Variants in TMEM14B observed in about 807,000 individuals in gnomAD.
TMEM14B encodes transmembrane protein 14B.
In TMEM14B, 9 loss-of-function variants were observed where a neutral mutation model predicts 14.8. The ratio of observed to expected loss-of-function variants is 0.61; its 90% CI spans 0.37 to 1.06. TMEM14B has a LOEUF of 1.06. Ranked by LOEUF, TMEM14B falls within the 50% of genes least tolerant of loss-of-function variation. The probability of loss-of-function intolerance (pLI) is 0.01; values close to 1 mark genes in which losing one functional copy is unlikely to be tolerated. For missense variants in TMEM14B, 128 were observed against 143.6 expected (o/e 0.89, Z 0.56); for synonymous variants, 40 against 51.3 (o/e 0.78, Z 0.94).
At chr6:10,749,744 C>A in intron 3 of TMEM14B, 46 bp downstream of exon 3, 1 of 1,605,002 alleles carries the variant, frequency 6.2e-7, no homozygotes, top group South Asian at 1.1e-5. Context: ...TCACGTTGTT[C>A]CAGTGAAATG....
intron 4 of TMEM14B, among the ~76,000 whole-genome samples, chr6:10,753,725 C>T (rs1771684155): frequency 6.6e-6 from 1 of 152,074 alleles, no homozygotes. Flanking sequence ...GTTCTCCATC[C>T]ATTCGGTTCT....
chr6:10,748,706 C>T (rs1424416255), intron 1 of TMEM14B, among the ~76,000 whole-genome samples: 1 of 152,046 alleles, frequency 6.6e-6, no homozygotes, highest in Non-Finnish European at 1.5e-5. Flanking sequence ...GTATTTTACC[C>T]TCCCCTTCTG....
chr6:10,757,126 A>G, downstream of TMEM14B: 1 of 496,776 alleles, frequency 2.0e-6, no homozygotes. Context: ...ATTTGATTGT[A>G]CATTGCATTG....
intron 4 of TMEM14B, among the ~76,000 whole-genome samples, chr6:10,753,892 C>G (rs929972938): frequency 6.6e-6 from 1 of 152,178 alleles, no homozygotes; most frequent in African/African-American, 2.4e-5. Flanking sequence ...CCTGCATTCC[C>G]AAGGACGTTC....
At chr6:10,749,091 A>G (rs1374774357) in intron 1 of TMEM14B, 111 bp from the exon 2 acceptor site, 1 of 678,954 alleles carries the variant, frequency 1.5e-6, no homozygotes, top group Non-Finnish European at 2.6e-6. Flanking sequence ...CTCATGGTAC[A>G]GTGAAGGATA....
intron 2 of TMEM14B, 76 bp from the exon 3 acceptor site, chr6:10,749,546 C>G (rs999294116): frequency 1.3e-6 from 2 of 1,528,108 alleles, no homozygotes; most frequent in African/African-American, 1.4e-5. Flanking sequence ...CCTTTTAGCC[C>G]CATCCTATGA....
intron 3 of TMEM14B, 30 bp from the exon 4 acceptor site, chr6:10,751,103 A>G: frequency 6.2e-7 from 1 of 1,612,126 alleles, no homozygotes. Flanking sequence ...GCCTGACATT[A>G]CAATGCAAGC....
At chr6:10,754,739 G>A (rs1031201678) in intron 4 of TMEM14B, among the ~76,000 whole-genome samples, 1 of 152,246 alleles carries the variant, frequency 6.6e-6, no homozygotes, top group East Asian at 1.9e-4. Flanking sequence ...CTAGCACAGC[G>A]CTTGACATGT....
At chr6:10,755,311 A>G in intron 5 of TMEM14B, 79 bp downstream of exon 5, 1 of 1,602,012 alleles carries the variant, frequency 6.2e-7, no homozygotes, top group East Asian at 2.2e-5. Context: ...TCAAAACCTT[A>G]CTTGTTTCAG....
intron 4 of TMEM14B, among the ~76,000 whole-genome samples, chr6:10,752,484 T>A: frequency 7.5e-6 from 1 of 133,784 alleles, no homozygotes; most frequent in African/African-American, 2.9e-5. Context: ...TGAGACGGAG[T>A]CTCACTGTGT....
chr6:10,756,080 T>C (rs1771793089), intron 5 of TMEM14B, among the ~76,000 whole-genome samples: 1 of 152,214 alleles, frequency 6.6e-6, no homozygotes, highest in African/African-American at 2.4e-5. Context: ...ATGCTGCCAG[T>C]ATAATATTTT....
At position 10,749,499 on chromosome 6, in the gene TMEM14B, G is replaced by A. The variant is rs142870839; in HGVS notation, c.24-123G>A. ...TCTGTGGTGCTTATTTTCAGTGATAGTACCTGTGGGCACATAGGACCTGTG... is the reference window on the plus strand; with the variant it reads ...TCTGTGGTGCTTATTTTCAGTGATAATACCTGTGGGCACATAGGACCTGTG... On this transcript the variant is annotated intron_variant, in intron 2 of 5. Coordinates refer to ENST00000379542, the MANE Select transcript of TMEM14B (RefSeq NM_030969.5). 6.6e-6 allele frequency: 8 copies of A among 1,211,684 alleles called. No homozygotes were observed. The South Asian group carries it at 8.7e-5, about 13-fold the overall frequency. 75.1% of individuals were successfully genotyped at this position (1,211,684 alleles called of 1,614,324 possible).
intron 2 of TMEM14B, 123 bp from the exon 3 acceptor site, chr6:10,749,499 G>C: frequency 8.3e-7 from 1 of 1,211,682 alleles, no homozygotes; most frequent in Non-Finnish European, 1.2e-6. Flanking sequence ...TTCAGTGATA[G>C]TACCTGTGGG....
At chr6:10,755,493 A>C (rs1402824187) in intron 5 of TMEM14B, 1 of 1,417,100 alleles carries the variant, frequency 7.1e-7, no homozygotes, top group African/African-American at 1.4e-5. Flanking sequence ...TTTTATTGCA[A>C]AGCTATGACT....
chr6:10,749,855 C>A, intron 3 of TMEM14B, 157 bp downstream of exon 3: 1 of 841,084 alleles, frequency 1.2e-6, no homozygotes, highest in Non-Finnish European at 2.0e-6. Context: ...CAGCTCCTGC[C>A]CTTGCCTTTT....
chr6:10,756,208 T>G (rs1381290155), intron 5 of TMEM14B, among the ~76,000 whole-genome samples: 3 of 152,174 alleles, frequency 2.0e-5, no homozygotes, highest in African/African-American at 4.8e-5. Context: ...CTTGCCTCCA[T>G]TTCTTCATCT....
chr6:10,752,032 T>C (rs994504612), intron 4 of TMEM14B, among the ~76,000 whole-genome samples: 2 of 151,882 alleles, frequency 1.3e-5, no homozygotes, highest in African/African-American at 4.9e-5. Flanking sequence ...TCTGTACATA[T>C]CAGCTGGGGT....
downstream of TMEM14B, chr6:10,758,909 CTTTTTTT>C (rs34333457): frequency 1.9e-3 from 195 of 103,408 alleles, no homozygotes; most frequent in African/African-American, 8.0e-3. Flanking sequence ...AGATCTAATT[CTTTTTTT>C]TTTTTTTTTT....
chr6:10,751,001 T>G, intron 3 of TMEM14B, 132 bp from the exon 4 acceptor site: 36 of 1,025,910 alleles, frequency 3.5e-5, no homozygotes, highest in Non-Finnish European at 4.2e-5. Flanking sequence ...CCTTCCTGCT[T>G]GAGTCCACCT....
Sources: gnomAD v4.1 joint callset for allele counts (sites outside exome capture counted in the v4.1 genomes callset) on GRCh38, gnomAD v4.1.1 for gene constraint, MANE v1.5 for transcripts, NCBI Gene and HGNC (gene_info 2026-07-23, HGNC 2026-07-21) for gene names.